Variants in RAB3GAP2 observed in about 807,000 individuals in gnomAD.
The protein encoded by RAB3GAP2 is rab3 GTPase-activating protein non-catalytic subunit.
In RAB3GAP2, 87 loss-of-function variants were observed where a neutral mutation model predicts 185.3. That is an observed-to-expected ratio of 0.47 (90% CI 0.39 to 0.56). The LOEUF is 0.56. Among genes scored for constraint, RAB3GAP2 ranks in the 20% least tolerant of loss-of-function variants. RAB3GAP2 has a pLI of 0.00. For synonymous variants in RAB3GAP2, 554 were observed against 576.1 expected (o/e 0.96, Z 0.55); for missense variants, 1,492 against 1,638.2 (o/e 0.91, Z 1.54).
At chr1:220,238,881 T>C (rs1161278887) in intron 1 of RAB3GAP2, among the ~76,000 whole-genome samples, 3 of 152,222 alleles carry the variant, frequency 2.0e-5, no homozygotes, top group Non-Finnish European at 2.9e-5. Context: ...CTAACATAAA[T>C]GTACACCCTG....
At chr1:220,163,748 T>TATATAC (rs1346767613) in intron 27 of RAB3GAP2, among the ~76,000 whole-genome samples, 1 of 65,618 alleles carries the variant, frequency 1.5e-5, no homozygotes, top group East Asian at 4.5e-4. Context: ...TACATACATA[T>TATATAC]ATATATATAT....
At chr1:220,257,934 G>A (rs1484087406) in intron 1 of RAB3GAP2, among the ~76,000 whole-genome samples, 1 of 152,092 alleles carries the variant, frequency 6.6e-6, no homozygotes, top group African/African-American at 2.4e-5. Context: ...ACAACCCTCA[G>A]AGAATACTAT....
intron 13 of RAB3GAP2, among the ~76,000 whole-genome samples, chr1:220,192,927 G>C (rs759577451): frequency 9.2e-5 from 14 of 152,310 alleles, no homozygotes; most frequent in Non-Finnish European, 1.0e-4. Context: ...TTTGGCTCAA[G>C]AATGGCTTTG....
At chr1:220,179,866 T>C (rs1369936550) in intron 21 of RAB3GAP2, among the ~76,000 whole-genome samples, 1 of 150,028 alleles carries the variant, frequency 6.7e-6, no homozygotes, top group African/African-American at 2.5e-5. Flanking sequence ...GCAAAAGGAG[T>C]GCTAAGAGGG....
At position 220,182,844 on chromosome 1, in the gene RAB3GAP2, T is replaced by A. The variant is rs1055020234; in HGVS notation, c.2086A>T (p.Thr696Ser). 1.2e-6 allele frequency: 2 copies of A among 1,613,440 alleles called. No individual in the cohort carries two copies. The highest frequency in any genetic ancestry group is 2.7e-5 in the African/African-American group (2 of 74,908). ...LEKYKQENTR[T>S]NVRFSDDKDG... is the part of the protein sequence containing the mutation. ...TTATCATCAGAAAATCGAACATTTGTCCTGGTGTTCTCTTGCTTATATTTC... is the reference window on the plus strand; with the variant it reads ...TTATCATCAGAAAATCGAACATTTGACCTGGTGTTCTCTTGCTTATATTTC... Residue 696 changes from threonine to serine, a missense_variant, in exon 20 of 35, where the codon ACA becomes TCA. Thr to Ser is a moderately conservative substitution (Grantham distance 58, BLOSUM62 1). Coordinates refer to ENST00000358951, the MANE Select transcript of RAB3GAP2 (RefSeq NM_012414.4).
chr1:220,202,344 G>A lies in RAB3GAP2; in HGVS notation c.743C>T (p.Pro248Leu), dbSNP rs142014739. 1 of 1,613,774 alleles carries A rather than the reference G, an allele frequency of 6.2e-7. No individual in the cohort carries two copies. The highest frequency in any genetic ancestry group is 1.3e-5 in the African/African-American group (1 of 74,992). ...CCATTTCTTATAAGCTAATGGTGGT[G>A]GTTGTATGTTCTCATTGCCTGATGC... ...AAASGNENIQPPPLAYKKWGL... is the reference protein window; with the variant it reads ...AAASGNENIQLPPLAYKKWGL... Residue 248 changes from proline (P) to leucine (L), a missense_variant, in exon 9 of 35, where the codon CCA (proline) becomes CTA (leucine). By Grantham distance (98) the Pro-to-Leu change is moderately conservative. Coordinates refer to ENST00000358951, the MANE Select transcript of RAB3GAP2 (RefSeq NM_012414.4).
chr1:220,214,972 A>ATATATATATATATATATATATATATC (rs1313728513), intron 2 of RAB3GAP2, among the ~76,000 whole-genome samples: 1 of 144,224 alleles, frequency 6.9e-6, no homozygotes, highest in African/African-American at 2.6e-5. Context: ...ATATATATAT[A>ATATATATATATATATATATATATATC]TATACTTCTA....
chr1:220,245,971 G>T (rs1199243891), intron 1 of RAB3GAP2, among the ~76,000 whole-genome samples: 1 of 152,072 alleles, frequency 6.6e-6, no homozygotes, highest in Non-Finnish European at 1.5e-5. Flanking sequence ...TCTCTTAGAA[G>T]GAAAACTAAC....
intron 6 of RAB3GAP2, 45 bp downstream of exon 6, chr1:220,210,756 A>G: frequency 6.5e-7 from 1 of 1,531,754 alleles, no homozygotes; most frequent in South Asian, 1.1e-5. Flanking sequence ...ATAACCAGAT[A>G]TTGCAGTCAA....
intron 2 of RAB3GAP2, among the ~76,000 whole-genome samples, chr1:220,219,923 G>C (rs1659273385): frequency 6.6e-6 from 1 of 152,174 alleles, no homozygotes; most frequent in Non-Finnish European, 1.5e-5. Flanking sequence ...TGGCTGACAA[G>C]ATGCAAGCTC....
Position 220,210,949 on chromosome 1 carries a change from C to T in RAB3GAP2, c.434+6G>A. ...AAGAAAACAGATGACTCTTATTTATCCTTACCTCTTTTGGCTTGCTAGTGG... is the reference window on the plus strand; with the variant it reads ...AAGAAAACAGATGACTCTTATTTATTCTTACCTCTTTTGGCTTGCTAGTGG... On this transcript the variant is annotated splice_donor_region_variant and intron_variant, in intron 5 of 34. Transcript: ENST00000358951. 1 of 1,613,962 alleles carries T rather than the reference C, an allele frequency of 6.2e-7. No homozygotes were observed.
chr1:220,172,866 T>A, intron 21 of RAB3GAP2, 124 bp from the exon 22 acceptor site: 1 of 692,878 alleles, frequency 1.4e-6, no homozygotes, highest in Non-Finnish European at 2.6e-6. Flanking sequence ...AAAAAATTAG[T>A]GGTTGCTTGC....
chr1:220,190,616 C>T (rs927431910), intron 14 of RAB3GAP2, 96 bp from the exon 15 acceptor site: 16 of 1,300,234 alleles, frequency 1.2e-5, no homozygotes, highest in Non-Finnish European at 1.7e-5. Context: ...ACATTATTAT[C>T]AATTTAGGAG....
chr1:220,204,208 G>T (rs1438103801), intron 8 of RAB3GAP2, among the ~76,000 whole-genome samples: 1 of 152,048 alleles, frequency 6.6e-6, no homozygotes, highest in Non-Finnish European at 1.5e-5. Context: ...TTTTTTAGCA[G>T]GTTGGTATGA....
At chr1:220,202,476 CTAA>C in intron 8 of RAB3GAP2, 102 bp from the exon 9 acceptor site, 1 of 1,190,816 alleles carries the variant, frequency 8.4e-7, no homozygotes, top group Non-Finnish European at 1.2e-6. Flanking sequence ...AAAATTTCAG[CTAA>C]TAATGACACA....
rs187287248 is a variant in RAB3GAP2, at chr1:220,210,697, C to T, written c.510+104G>A. 3 of 1,257,706 alleles carry T rather than the reference C, an allele frequency of 2.4e-6. No individual in the cohort carries two copies. The African/African-American group carries it at 4.5e-5, about 19-fold the overall frequency. The allele number at this position is 1,257,706 out of a possible 1,614,324, so 77.9% of individuals were successfully genotyped here. On this transcript the variant is annotated intron_variant, in intron 6 of 34. Transcript: ENST00000358951. ...CTACCCCCATAAAGAATCAACTACA[C>T]ATTTTCAGGCAGCAGGTAATAAAGT...
intron 21 of RAB3GAP2, among the ~76,000 whole-genome samples, chr1:220,181,226 A>T (rs1204071720): frequency 6.6e-6 from 1 of 152,148 alleles, no homozygotes; most frequent in African/African-American, 2.4e-5. Context: ...GATTCAAGGG[A>T]TCCTCATGCC....
chr1:220,255,611 C>T (rs564139074), intron 1 of RAB3GAP2, among the ~76,000 whole-genome samples: 2 of 152,272 alleles, frequency 1.3e-5, no homozygotes, highest in African/African-American at 2.4e-5. Context: ...CTGAAAAATA[C>T]AACATGAGAA....
intron 6 of RAB3GAP2, 50 bp from the exon 7 acceptor site, chr1:220,210,539 C>T: frequency 7.1e-7 from 1 of 1,411,638 alleles, no homozygotes; most frequent in Non-Finnish European, 1.0e-6. Context: ...ACCAATATAC[C>T]TTAGCAGGTA....
Sources: allele counts gnomAD v4.1 joint callset (sites outside exome capture counted in the v4.1 genomes callset), GRCh38; gene constraint gnomAD v4.1.1; transcripts MANE v1.5; gene names NCBI Gene and HGNC (gene_info 2026-07-23, HGNC 2026-07-21).